Variants in PAPPA2 observed in about 807,000 individuals in gnomAD.
The protein encoded by PAPPA2 is pappalysin 2.
In PAPPA2, 86 loss-of-function variants were observed where a neutral mutation model predicts 176.4. That is an observed-to-expected ratio of 0.49 (90% CI 0.41 to 0.58). The LOEUF (loss-of-function observed/expected upper bound fraction) is 0.58. PAPPA2 is among the 20% of genes least tolerant of loss of function. PAPPA2 has a pLI of 0.00. For synonymous variants in PAPPA2, 809 were observed against 852.2 expected (o/e 0.95, Z 0.88); for missense variants, 2,073 against 2,256.9 (o/e 0.92, Z 1.65).
chr1:176,534,598 A>G (rs1649974023), intron 1 of PAPPA2, among the ~76,000 whole-genome samples: 1 of 152,264 alleles, frequency 6.6e-6, no homozygotes, highest in African/African-American at 2.4e-5. Context: ...CATCTTACTT[A>G]GGACTGCTAA....
intron 3 of PAPPA2, among the ~76,000 whole-genome samples, chr1:176,658,764 A>G (rs1402050980): frequency 6.6e-6 from 1 of 152,066 alleles, no homozygotes; most frequent in Non-Finnish European, 1.5e-5. Context: ...GGGCAAAGGA[A>G]ACTAAAAGAA....
intron 21 of PAPPA2, among the ~76,000 whole-genome samples, chr1:176,830,898 A>G (rs1667057014): frequency 6.6e-6 from 1 of 152,200 alleles, no homozygotes; most frequent in Non-Finnish European, 1.5e-5. Context: ...TTTAAGAAGC[A>G]TTGCTGTGTA....
chr1:176,590,873 G>C (rs955723000), intron 2 of PAPPA2, among the ~76,000 whole-genome samples: 11 of 152,034 alleles, frequency 7.2e-5, no homozygotes, highest in African/African-American at 2.7e-4. Flanking sequence ...TGGTTCTAGT[G>C]CACTCTCTGC....
intron 3 of PAPPA2, among the ~76,000 whole-genome samples, chr1:176,603,963 G>A (rs1013082641): frequency 1.3e-5 from 2 of 152,094 alleles, no homozygotes; most frequent in Non-Finnish European, 2.9e-5. Flanking sequence ...TGATCTATAG[G>A]GTCATATAGC....
At chr1:176,514,601 T>C (rs918529546) in intron 1 of PAPPA2, among the ~76,000 whole-genome samples, 3 of 152,254 alleles carry the variant, frequency 2.0e-5, no homozygotes, top group Non-Finnish European at 1.5e-5. Context: ...TCATTTTGAC[T>C]CAACCCTTGT....
chr1:176,700,259 A>C (rs1166052297), intron 8 of PAPPA2, among the ~76,000 whole-genome samples: 1 of 152,184 alleles, frequency 6.6e-6, no homozygotes, highest in Non-Finnish European at 1.5e-5. Flanking sequence ...CAAAGAATTC[A>C]ATATCTGGAG....
At chr1:176,783,289 A>T (rs1664798862) in intron 17 of PAPPA2, among the ~76,000 whole-genome samples, 1 of 152,214 alleles carries the variant, frequency 6.6e-6, no homozygotes, top group African/African-American at 2.4e-5. Flanking sequence ...TGGAGACATC[A>T]GGTCCCCTTG....
At position 176,843,688 on chromosome 1, in the gene PAPPA2, T is replaced by C. The variant is rs1557908323; in HGVS notation, c.*1234T>C. The C allele has an allele frequency of 6.6e-6, 1 of 151,962 alleles. No homozygotes were observed. Among genetic ancestry groups the C allele is most frequent in the Non-Finnish European group, 1.5e-5 (1 of 68,014 alleles). The allele number at this position is 151,962 out of a possible 1,614,324, so 9.4% of individuals were successfully genotyped here. On this transcript the variant is annotated 3_prime_UTR_variant, in exon 23 of 23. Coordinates refer to ENST00000367662, the MANE Select transcript of PAPPA2 (RefSeq NM_020318.3). ...GATATAGGGGAAAGGTGGGAGGAGA[T>C]GAAAGAACAGGCAAGAGCTGTCAGG...
chr1:176,677,728 C>G (rs1330390127), intron 4 of PAPPA2, among the ~76,000 whole-genome samples: 1 of 152,040 alleles, frequency 6.6e-6, no homozygotes, highest in East Asian at 1.9e-4. Context: ...TCGATTCATT[C>G]AAAGAAAAAC....
chr1:176,508,019 G>A (rs550820685), intron 1 of PAPPA2, among the ~76,000 whole-genome samples: 1 of 152,240 alleles, frequency 6.6e-6, no homozygotes, highest in South Asian at 2.1e-4. Flanking sequence ...ATTTGGTCAA[G>A]ACCTCAGAGA....
intron 2 of PAPPA2, among the ~76,000 whole-genome samples, chr1:176,593,200 A>T (rs1056624509): frequency 7.2e-5 from 11 of 152,234 alleles, no homozygotes; most frequent in African/African-American, 2.7e-4. Flanking sequence ...CACTTTTGGA[A>T]ATATAGCCAC....
At chr1:176,785,621 G>A (rs368028942) in intron 17 of PAPPA2, among the ~76,000 whole-genome samples, 5 of 152,090 alleles carry the variant, frequency 3.3e-5, no homozygotes, top group East Asian at 1.9e-4. Context: ...GTCTGGGTCC[G>A]GTGTAACTGT....
At chr1:176,668,988 C>T (rs1034312893) in intron 3 of PAPPA2, among the ~76,000 whole-genome samples, 8 of 152,014 alleles carry the variant, frequency 5.3e-5, no homozygotes, top group African/African-American at 1.9e-4. Context: ...TCGGAGGGTG[C>T]TCAAGATAAA....
intron 3 of PAPPA2, among the ~76,000 whole-genome samples, chr1:176,634,562 A>C (rs1656548822): frequency 6.6e-6 from 1 of 152,014 alleles, no homozygotes; most frequent in Admixed American, 6.6e-5. Context: ...CACGTTGTGC[A>C]CATGTATCCT....
chr1:176,716,857 C>A (rs1661402348), intron 12 of PAPPA2, among the ~76,000 whole-genome samples: 1 of 150,686 alleles, frequency 6.6e-6, no homozygotes, highest in Non-Finnish European at 1.5e-5. Flanking sequence ...GTGATCCGCC[C>A]ATCTCGGCCT....
chr1:176,748,594 G>A (rs911162728), intron 14 of PAPPA2, among the ~76,000 whole-genome samples: 3 of 152,040 alleles, frequency 2.0e-5, no homozygotes, highest in Admixed American at 2.0e-4. Flanking sequence ...TAATATTAAT[G>A]TGTTTCCTAG....
chr1:176,566,452 TCAGGGAGACAATG>T (rs367812794), intron 2 of PAPPA2, among the ~76,000 whole-genome samples: 118 of 152,306 alleles, frequency 7.7e-4, no homozygotes, highest in African/African-American at 2.7e-3. Context: ...CCTTTGCATC[TCAGGGAGACAATG>T]CAGTGGATGA....
chr1:176,702,500 A>G, intron 8 of PAPPA2, 107 bp from the exon 9 acceptor site: 1 of 1,476,486 alleles, frequency 6.8e-7, no homozygotes, highest in Non-Finnish European at 9.1e-7. Flanking sequence ...TTTAACCTTT[A>G]TGTTTCCCAT....
chr1:176,708,568 G>A (rs1403534860), intron 10 of PAPPA2, among the ~76,000 whole-genome samples: 1 of 143,386 alleles, frequency 7.0e-6, no homozygotes, highest in East Asian at 2.2e-4. Flanking sequence ...GAATCATCAT[G>A]GGAAAGTCAT....
Sources: allele counts gnomAD v4.1 joint callset (sites outside exome capture counted in the v4.1 genomes callset), GRCh38; gene constraint gnomAD v4.1.1; transcripts MANE v1.5; gene names NCBI Gene and HGNC (gene_info 2026-07-23, HGNC 2026-07-21).